Variants in JAZF1 observed in about 807,000 individuals in gnomAD.
The protein encoded by JAZF1 is juxtaposed with another zinc finger protein 1.
A neutral mutation model predicts 26.4 loss-of-function variants in JAZF1; 8 were observed. The ratio of observed to expected loss-of-function variants is 0.30; its 90% CI spans 0.18 to 0.55. The LOEUF is 0.55. JAZF1 is among the 20% of genes least tolerant of loss of function. The pLI, the probability that JAZF1 is intolerant of heterozygous loss-of-function variation, is 0.94. For synonymous variants in JAZF1, 126 were observed against 122.3 expected (o/e 1.03, Z -0.20); for missense variants, 199 against 322.0 (o/e 0.62, Z 2.92).
At chr7:27,958,680 T>A (rs950164297) in intron 2 of JAZF1, among the ~76,000 whole-genome samples, 3 of 152,206 alleles carry the variant, frequency 2.0e-5, no homozygotes, top group African/African-American at 7.2e-5. Flanking sequence ...TCTGTGTGAC[T>A]TACGTTTCCT....
chr7:28,102,071 A>G (rs994885161), intron 1 of JAZF1, among the ~76,000 whole-genome samples: 13 of 152,272 alleles, frequency 8.5e-5, no homozygotes, highest in African/African-American at 2.9e-4. Context: ...GAGGCAGGGC[A>G]CCAACAACCC....
At chr7:28,099,510 C>A (rs1424641827) in intron 1 of JAZF1, among the ~76,000 whole-genome samples, 1 of 152,044 alleles carries the variant, frequency 6.6e-6, no homozygotes, top group Non-Finnish European at 1.5e-5. Context: ...GAGTTTCGCT[C>A]TTGTTGCCCA....
intron 1 of JAZF1, among the ~76,000 whole-genome samples, chr7:28,169,711 G>A (rs1303476780): frequency 3.3e-5 from 5 of 152,224 alleles, no homozygotes; most frequent in Non-Finnish European, 5.9e-5. Context: ...ACCTGAGGAA[G>A]CCTGGGCATA....
chr7:27,884,413 C>T (rs1204727442), intron 3 of JAZF1, among the ~76,000 whole-genome samples: 1 of 152,208 alleles, frequency 6.6e-6, no homozygotes. Context: ...AGGTGTGGGC[C>T]ACTGCATCGG....
chr7:28,092,760 T>C (rs986456063), intron 1 of JAZF1, among the ~76,000 whole-genome samples: 1 of 151,508 alleles, frequency 6.6e-6, no homozygotes, highest in African/African-American at 2.4e-5. Flanking sequence ...CTCAGGAGGC[T>C]GAGGTGGGAG....
At chr7:28,045,477 T>C (rs564712324) in intron 1 of JAZF1, among the ~76,000 whole-genome samples, 1 of 152,322 alleles carries the variant, frequency 6.6e-6, no homozygotes, top group South Asian at 2.1e-4. Context: ...GTGATTATAT[T>C]CAGAGTAAGA....
intron 1 of JAZF1, among the ~76,000 whole-genome samples, chr7:28,110,388 T>A (rs1480874758): frequency 6.7e-6 from 1 of 148,600 alleles, no homozygotes; most frequent in Non-Finnish European, 1.5e-5. Context: ...ATCACGCCAT[T>A]GCACTCCAGC....
rs577353416 is a variant in JAZF1 at position 27,837,507 on chromosome 7, G to A, written c.555+3191C>T. On this transcript the variant is annotated intron_variant, in intron 4 of 4. Transcript: ENST00000283928. ...ATCTGAGACATGTGCTGGGTGCTGA[G>A]GAGGGACAGTGAGCTCTGCGGGTTA... Among the ~76,000 whole-genome samples the A allele has an allele frequency of 1.1e-4, 16 of 152,364 alleles. No homozygotes were observed. In the South Asian group the frequency reaches 3.3e-3, roughly 32 times the overall value.
At chr7:28,015,033 ATG>A (rs397804972) in intron 1 of JAZF1, among the ~76,000 whole-genome samples, 6,635 of 140,572 alleles carry the variant, frequency 0.047, 343 homozygotes, top group African/African-American at 0.15. Context: ...GAAAGTGTGT[ATG>A]TGTGTGTGTG....
intron 3 of JAZF1, among the ~76,000 whole-genome samples, chr7:27,890,686 C>A (rs1295002529): frequency 6.6e-6 from 1 of 151,150 alleles, no homozygotes; most frequent in African/African-American, 2.4e-5. Context: ...AGATTAAATA[C>A]AATGTCATAC....
intron 2 of JAZF1, among the ~76,000 whole-genome samples, chr7:27,951,015 A>T (rs753793721): frequency 6.6e-6 from 1 of 152,152 alleles, no homozygotes; most frequent in Non-Finnish European, 1.5e-5. Context: ...ATTTTAAATG[A>T]TATTTAAATA....
intron 1 of JAZF1, among the ~76,000 whole-genome samples, chr7:28,055,630 T>C (rs1049538892): frequency 2.0e-5 from 3 of 152,258 alleles, no homozygotes; most frequent in Admixed American, 6.5e-5. Flanking sequence ...TAATATCATT[T>C]ACTACATACA....
chr7:27,963,722 GGTTTTGTTTTGTTTT>G (rs34421458), intron 2 of JAZF1, among the ~76,000 whole-genome samples: 8 of 150,578 alleles, frequency 5.3e-5, no homozygotes, highest in Admixed American at 1.3e-4. Context: ...TCACCACACC[GGTTTTGTTTTGTTTT>G]GTTTTGTTTT....
At chr7:27,873,200 T>TGGA (rs765085977) in intron 3 of JAZF1, among the ~76,000 whole-genome samples, 3 of 152,144 alleles carry the variant, frequency 2.0e-5, no homozygotes, top group Admixed American at 1.3e-4. Flanking sequence ...TCTTCATACT[T>TGGA]CCACCCAGGC....
intron 2 of JAZF1, among the ~76,000 whole-genome samples, chr7:27,977,710 C>G (rs945405387): frequency 6.6e-6 from 1 of 152,198 alleles, no homozygotes; most frequent in Non-Finnish European, 1.5e-5. Context: ...ACTTGCACCC[C>G]CTTTCTCTCC....
At position 27,952,234 on chromosome 7, in the gene JAZF1, C is replaced by A. The variant is rs1312769751; in HGVS notation, c.188+39675G>T. 4.6e-5 allele frequency among the ~76,000 whole-genome samples: 7 copies of A among 152,322 alleles called. No individual in the cohort carries two copies. In the East Asian group the frequency reaches 1.3e-3, roughly 29 times the overall value. ...ACTACTTTGCACAAGGTAGAGGCTG[C>A]ACCTAGCACAGAAGGGGTAATGAAC... On this transcript the variant is annotated intron_variant, in intron 2 of 4. Coordinates refer to ENST00000283928, the MANE Select transcript of JAZF1 (RefSeq NM_175061.4).
chr7:27,865,402 T>C lies in JAZF1; in HGVS notation c.386-24535A>G, dbSNP rs138588771. 3.8e-3 allele frequency among the ~76,000 whole-genome samples: 586 copies of C among 152,218 alleles called. 5 individuals carry two copies. The highest frequency in any genetic ancestry group is 0.013 in the African/African-American group (558 of 41,528). On this transcript the variant is annotated intron_variant, in intron 3 of 4. Transcript: ENST00000283928. ...GAAAACAATGACAAAAGAGATGTGT[T>C]CATGAAGCTTTTGTTTCAGGGGTGT...
intron 2 of JAZF1, among the ~76,000 whole-genome samples, chr7:27,987,226 C>T (rs1785740157): frequency 6.6e-6 from 1 of 152,050 alleles, no homozygotes; most frequent in African/African-American, 2.4e-5. Flanking sequence ...CTCTGCCTGG[C>T]CGCCCATCGT....
chr7:28,018,374 T>C (rs1387179422), intron 1 of JAZF1, among the ~76,000 whole-genome samples: 1 of 152,118 alleles, frequency 6.6e-6, no homozygotes, highest in Non-Finnish European at 1.5e-5. Flanking sequence ...TTCATTCTAG[T>C]GCAATGGAAA....
Sources: allele counts gnomAD v4.1 joint callset (sites outside exome capture counted in the v4.1 genomes callset), GRCh38; gene constraint gnomAD v4.1.1; transcripts MANE v1.5; gene names NCBI Gene and HGNC (gene_info 2026-07-23, HGNC 2026-07-21).